The following HDAC9 variants were observed in gnomAD, a reference collection of about 807,000 sequenced individuals.
The protein encoded by HDAC9 is MEF-2 interacting transcription repressor (MITR) protein.
Under a neutral mutation model 139.4 loss-of-function variants are expected in HDAC9, and 41 were observed. The observed-to-expected ratio is 0.29, with a 90% confidence interval of 0.23 to 0.38. The LOEUF (loss-of-function observed/expected upper bound fraction) is 0.38. Ranked by LOEUF, HDAC9 falls within the 10% of genes least tolerant of loss-of-function variation. HDAC9 has a pLI of 1.00. For missense variants in HDAC9, 1,147 were observed against 1,297.0 expected, an observed-to-expected ratio of 0.88 and a Z score of 1.78; for synonymous variants, 517 against 476.2, an observed-to-expected ratio of 1.09 and a Z score of -1.12.
chr7:18,797,398 A>C (rs1792892458), intron 17 of HDAC9, among the ~76,000 whole-genome samples: 1 of 152,194 alleles, frequency 6.6e-6, no homozygotes, highest in Non-Finnish European at 1.5e-5. Context: ...TACCTAACAA[A>C]ATATAATAAT....
chr7:18,483,395 A>G (rs1795731947), intron 1 of HDAC9, among the ~76,000 whole-genome samples: 1 of 152,190 alleles, frequency 6.6e-6, no homozygotes, highest in Admixed American at 6.5e-5. Flanking sequence ...AAAGCAGAAT[A>G]AAGGAAAATA....
In HDAC9 at chr7:18,174,188, T is replaced by G. The variant is rs188660849; in HGVS notation, c.25+11839T>G. Reference sequence around the variant, plus strand: ...CTGTAAATTTGTCTTGTTGCTTTATTTCATTAATTTGATCTTCAATCACTG... The same window carrying G: ...CTGTAAATTTGTCTTGTTGCTTTATGTCATTAATTTGATCTTCAATCACTG... On this transcript the variant is annotated intron_variant, in intron 2 of 12. Transcript: ENST00000417496. Among the ~76,000 whole-genome samples the G allele has an allele frequency of 3.9e-3, 597 of 152,334 alleles. 14 individuals are homozygous for G. The highest frequency in any genetic ancestry group is 0.037 in the Admixed American group (567 of 15,306).
At chr7:18,640,841 C>G (rs925396646) in intron 8 of HDAC9, among the ~76,000 whole-genome samples, 2 of 152,020 alleles carry the variant, frequency 1.3e-5, no homozygotes, top group African/African-American at 2.4e-5. Flanking sequence ...ACTGATGCCC[C>G]GAGGTAGATG....
intron 22 of HDAC9, among the ~76,000 whole-genome samples, chr7:18,889,141 C>T (rs17140227): frequency 0.011 from 1,603 of 152,240 alleles, 11 homozygotes; most frequent in Middle Eastern, 0.014. Context: ...TTTCACTATT[C>T]TGCAGCCTGG....
chr7:18,502,391 C>T (rs1014335679), intron 2 of HDAC9: 2 of 152,114 alleles, frequency 1.3e-5, no homozygotes, highest in African/African-American at 4.8e-5. Context: ...AGGCAGGATA[C>T]CTAAACCTGC....
chr7:18,183,332 C>T (rs1033601590), intron 2 of HDAC9, among the ~76,000 whole-genome samples: 14 of 152,142 alleles, frequency 9.2e-5, no homozygotes, highest in Middle Eastern at 3.4e-3. Context: ...TTAAAAAAAG[C>T]CCTTGAATAT....
chr7:18,849,671 C>A (rs1161792300), intron 21 of HDAC9, among the ~76,000 whole-genome samples: 1 of 152,040 alleles, frequency 6.6e-6, no homozygotes. Context: ...TTTAAGACTT[C>A]ATTTGTTATT....
At chr7:18,766,637 T>C (rs1270362681) in intron 15 of HDAC9, among the ~76,000 whole-genome samples, 1 of 152,168 alleles carries the variant, frequency 6.6e-6, no homozygotes, top group African/African-American at 2.4e-5. Context: ...AGAATAAGTC[T>C]GTACATTTGA....
At chr7:18,694,625 T>C (rs1782905814) in intron 12 of HDAC9, among the ~76,000 whole-genome samples, 1 of 152,090 alleles carries the variant, frequency 6.6e-6, no homozygotes, top group Non-Finnish European at 1.5e-5. Context: ...GGCTGCCTGC[T>C]TCAGAAAAGA....
chr7:18,657,055 T>G (rs1385042469), intron 11 of HDAC9, among the ~76,000 whole-genome samples: 1 of 152,158 alleles, frequency 6.6e-6, no homozygotes, highest in Non-Finnish European at 1.5e-5. Flanking sequence ...CAACATTTTT[T>G]CATATGGTGT....
chr7:18,599,623 T>C (rs1396502108), intron 6 of HDAC9, among the ~76,000 whole-genome samples: 4 of 152,360 alleles, frequency 2.6e-5, no homozygotes, highest in Admixed American at 6.5e-5. Flanking sequence ...TTTTGGTAGA[T>C]TGAAGCTTTT....
chr7:18,091,009 A>G (rs1273065477), intron 1 of HDAC9, among the ~76,000 whole-genome samples: 1 of 152,218 alleles, frequency 6.6e-6, no homozygotes, highest in African/African-American at 2.4e-5. Flanking sequence ...TACACTTAAC[A>G]GTGGAATATA....
chr7:18,890,865 A>T (rs939691825), intron 22 of HDAC9, among the ~76,000 whole-genome samples: 4 of 152,242 alleles, frequency 2.6e-5, no homozygotes, highest in Admixed American at 2.6e-4. Context: ...AGGTGGAGCT[A>T]GTGATGAAAA....
intron 2 of HDAC9, among the ~76,000 whole-genome samples, chr7:18,533,641 T>G (rs1470188411): frequency 6.6e-6 from 1 of 152,184 alleles, no homozygotes; most frequent in Non-Finnish European, 1.5e-5. Context: ...TAACAGTGTA[T>G]CTTACCTTAT....
chr7:18,560,010 G>A (rs1003811724), intron 2 of HDAC9, among the ~76,000 whole-genome samples: 12 of 152,070 alleles, frequency 7.9e-5, no homozygotes, highest in African/African-American at 2.9e-4. Flanking sequence ...GCTAAGATAA[G>A]CAAAAGACTA....
intron 24 of HDAC9, among the ~76,000 whole-genome samples, chr7:18,962,200 AGCT>A (rs768190670): frequency 5.9e-5 from 9 of 152,134 alleles, no homozygotes; most frequent in Non-Finnish European, 1.3e-4. Context: ...GTCAGGTGGG[AGCT>A]GCTATTTGTC....
At position 18,267,123 on chromosome 7, in the gene HDAC9, A is replaced by G. The variant is rs192525716; in HGVS notation, c.25+104774A>G. Among the ~76,000 whole-genome samples, 837 of 152,294 alleles carry G rather than the reference A, an allele frequency of 5.5e-3. 9 individuals are homozygous for G. The highest frequency in any genetic ancestry group is 0.019 in the African/African-American group (810 of 41,570). On this transcript the variant is annotated intron_variant, in intron 2 of 12. Transcript: ENST00000417496. ...TTGCTAAATCAAGGTCATATCTAAA[A>G]GACATGGCTTTATTATGATAGTGTA... is the stretch of plus-strand genomic sequence containing the variant.
At chr7:18,688,037 C>T (rs1010607886) in intron 12 of HDAC9, among the ~76,000 whole-genome samples, 1 of 151,644 alleles carries the variant, frequency 6.6e-6, no homozygotes, top group African/African-American at 2.4e-5. Context: ...CCACAAACAG[C>T]CCATATAACC....
At chr7:18,871,220 G>A (rs186462236) in intron 21 of HDAC9, among the ~76,000 whole-genome samples, 72 of 152,222 alleles carry the variant, frequency 4.7e-4, no homozygotes, top group Non-Finnish European at 9.1e-4. Context: ...GCCATTGAAA[G>A]TGCTTTCATA....
Sources: gnomAD v4.1 joint callset for allele counts (sites outside exome capture counted in the v4.1 genomes callset) on GRCh38, gnomAD v4.1.1 for gene constraint, MANE v1.5 for transcripts, NCBI Gene and HGNC (gene_info 2026-07-23, HGNC 2026-07-21) for gene names.